Variants in ZNF426 observed in about 807,000 individuals in gnomAD.
ZNF426 encodes the protein CTC-543D15.7.
In ZNF426, 23 loss-of-function variants were observed where a neutral mutation model predicts 24.0. The observed-to-expected ratio is 0.96, with a 90% CI of 0.69 to 1.36. The LOEUF is 1.36. Ranked by LOEUF, ZNF426 falls within the 40% of genes most tolerant of loss-of-function variation. The probability of loss-of-function intolerance (pLI) is 0.00; values close to 1 mark genes in which losing one functional copy is unlikely to be tolerated. For missense variants in ZNF426, 646 were observed against 658.4 expected, an observed-to-expected ratio of 0.98 and a Z score of 0.21; for synonymous variants, 272 against 224.6, an observed-to-expected ratio of 1.21 and a Z score of -1.89.
chr19:9,532,368 C>G, intron 6 of ZNF426, among the ~76,000 whole-genome samples: 1 of 144,684 alleles, frequency 6.9e-6, no homozygotes, highest in Non-Finnish European at 1.5e-5. Flanking sequence ...GCAATCACAT[C>G]TCACCACAGC....
At chr19:9,534,939 A>G (rs2073942507) in intron 4 of ZNF426, among the ~76,000 whole-genome samples, 1 of 151,862 alleles carries the variant, frequency 6.6e-6, no homozygotes, top group South Asian at 2.1e-4. Flanking sequence ...GGTGGCCCCA[A>G]CCCTTGGGGA....
In ZNF426 at chr19:9,533,889, G is replaced by A. The variant is rs1243276170; in HGVS notation, c.195C>T (p.Ser65=). Residue 65 remains serine (S), a synonymous_variant, in exon 5 of 8, where the codon AGC becomes AGT. Coordinates refer to ENST00000253115, the MANE Select transcript of ZNF426 (RefSeq NM_024106.3). ...TCTCCAGCATCACGTCACTGTAGAG[G>A]CTTCTCTGAGTTGAGTCCAGTAAAG... is the stretch of plus-strand genomic sequence containing the variant. ...EWTLLDSTQR[S]LYSDVMLENY... 1 of 1,614,146 alleles carries A rather than the reference G, an allele frequency of 6.2e-7. No individual in the cohort carries two copies. The highest frequency in any genetic ancestry group is 8.5e-7 in the Non-Finnish European group (1 of 1,180,012).
chr19:9,529,952 C>G (rs931269648), intron 7 of ZNF426, among the ~76,000 whole-genome samples: 7 of 151,996 alleles, frequency 4.6e-5, no homozygotes, highest in Admixed American at 3.3e-4. Context: ...GAAACCCTGT[C>G]TCTACTAAAA....
rs1357517782 is a variant in ZNF426 at position 9,538,574 on chromosome 19, C to CA, written c.-212_-212+1insT. 1.3e-5 allele frequency: 2 copies of CA among 152,306 alleles called. No homozygotes were observed. Among genetic ancestry groups the CA allele is most frequent in the Non-Finnish European group, 2.9e-5 (2 of 68,146 alleles). 9.4% of individuals were successfully genotyped at this position (152,306 alleles called of 1,614,324 possible). A position where few individuals can be genotyped will look rare whatever the true frequency, so the allele number is the denominator to read the frequency against. On this transcript the variant is annotated splice_region_variant and 5_prime_UTR_variant. Transcript: ENST00000253115. ...AACCAGTTCATCTCCTCGGAACTCA[C>CA]CCAGGCCAGTGAGGCCTTAACTCTG...
Position 9,528,132 on chromosome 19 carries a change from G to T in ZNF426, c.*248C>A. ...GCCTCCCAAGTAGCTGGGATTACAG[G>T]TGCCCACCACACCTGGCTAAATTTT... is the stretch of plus-strand genomic sequence containing the variant. On this transcript the variant is annotated 3_prime_UTR_variant, in exon 8 of 8. Transcript: ENST00000253115. 1 of 365,502 alleles carries T rather than the reference G, an allele frequency of 2.7e-6. No homozygotes were observed. Among genetic ancestry groups the T allele is most frequent in the Non-Finnish European group, 5.0e-6 (1 of 201,950 alleles). 22.6% of individuals were successfully genotyped at this position (365,502 alleles called of 1,614,324 possible). A position where few individuals can be genotyped will look rare whatever the true frequency, so the allele number is the denominator to read the frequency against.
chr19:9,534,427 G>C (rs903806422), intron 4 of ZNF426, among the ~76,000 whole-genome samples: 1 of 151,846 alleles, frequency 6.6e-6, no homozygotes, highest in Admixed American at 6.6e-5. Context: ...GGTTGGTCTC[G>C]AACTCCTGAC....
At position 9,533,830 on chromosome 19, in the gene ZNF426, C is replaced by T. The variant is rs968807454; in HGVS notation, c.244+10G>A. On this transcript the variant is annotated intron_variant, in intron 5 of 7. Coordinates refer to ENST00000253115, the MANE Select transcript of ZNF426 (RefSeq NM_024106.3). The stretch of plus-strand genomic sequence containing the variant: ...CCATAGAAGGCTGCAAGGGATGAGG[C>T]CAGTCTTACCTACTGTGGCCAGGTT... The T allele has an allele frequency of 1.9e-6, 3 of 1,613,948 alleles. No individual in the cohort carries two copies. The highest frequency in any genetic ancestry group is 2.5e-6 in the Non-Finnish European group (3 of 1,179,906).
At chr19:9,532,807 C>T (rs1568485339) in intron 6 of ZNF426, 38 bp downstream of exon 6, 1 of 1,508,192 alleles carries the variant, frequency 6.6e-7, no homozygotes, top group East Asian at 2.3e-5. Flanking sequence ...ACATACTGAA[C>T]TTCTCATCAA....
Position 9,528,354 on chromosome 19 carries a change from A to G in ZNF426, c.*26T>C. 1 of 1,541,594 alleles carries G rather than the reference A, an allele frequency of 6.5e-7. No individual in the cohort carries two copies. Among genetic ancestry groups the G allele is most frequent in the Non-Finnish European group, 8.7e-7 (1 of 1,145,990 alleles). ...AACTGGAACAAATGAGAGCTTTCCC[A>G]CATTTATTACATGGACAGTTTCTCA... On this transcript the variant is annotated 3_prime_UTR_variant, in exon 8 of 8. Coordinates refer to ENST00000253115, the MANE Select transcript of ZNF426 (RefSeq NM_024106.3).
At chr19:9,532,969 G>A in intron 5 of ZNF426, 44 bp from the exon 6 acceptor site, 3 of 1,492,718 alleles carry the variant, frequency 2.0e-6, no homozygotes, top group East Asian at 2.3e-5. Flanking sequence ...TCATAAAAAA[G>A]ATTACAAACC....
At position 9,528,463 on chromosome 19, in the gene ZNF426, CTGTG is replaced by C. The variant is rs756490008; in HGVS notation, c.1578_1581del (p.His526GlnfsTer35). ...TGCTGACATTTATAGGGTTTCTCTT[CTGTG>C]TGAGTTTTTTCATGAATTCTAAAGG... On this transcript the variant is annotated frameshift_variant, in exon 8 of 8. Coordinates refer to ENST00000253115, the MANE Select transcript of ZNF426 (RefSeq NM_024106.3). LOFTEE classifies it low-confidence loss of function (END_TRUNC). 2 of 1,614,062 alleles carry C rather than the reference CTGTG, an allele frequency of 1.2e-6. No individual in the cohort carries two copies. Among genetic ancestry groups the C allele is most frequent in the East Asian group, 2.2e-5 (1 of 44,874 alleles).
chr19:9,527,082 A>T lies in ZNF426; in HGVS notation c.*1298T>A, dbSNP rs557314258. ...AGGGAGGATTTAGGATTATTTTGAT[A>T]GTATAAGGTACTAACACTACTCAAG... On this transcript the variant is annotated 3_prime_UTR_variant, in exon 8 of 8. Transcript: ENST00000253115. The T allele has an allele frequency of 1.3e-5, 2 of 152,328 alleles. No homozygotes were observed. Among genetic ancestry groups the T allele is most frequent in the South Asian group, 4.1e-4 (2 of 4,824 alleles). The allele number at this position is 152,328 out of a possible 1,614,324, so 9.4% of individuals were successfully genotyped here.
chr19:9,530,115 C>T (rs547581548), intron 7 of ZNF426, among the ~76,000 whole-genome samples: 132 of 151,546 alleles, frequency 8.7e-4, no homozygotes, highest in African/African-American at 1.5e-3. Flanking sequence ...AGCGAGACTC[C>T]GTCTCAAAAT....
At chr19:9,533,038 G>T in intron 5 of ZNF426, 113 bp from the exon 6 acceptor site, 4 of 882,196 alleles carry the variant, frequency 4.5e-6, no homozygotes, top group Non-Finnish European at 7.2e-6. Context: ...TCAAAAGGGC[G>T]AAAAATGCAA....
At chr19:9,529,662 AG>A in intron 7 of ZNF426, 26 bp from the exon 8 acceptor site, 1 of 1,556,392 alleles carries the variant, frequency 6.4e-7, no homozygotes, top group Non-Finnish European at 8.6e-7. Context: ...TGATGATTTA[AG>A]GATTTTTCTC....
intron 4 of ZNF426, 121 bp downstream of exon 4, chr19:9,535,067 G>C (rs1198560319): frequency 2.9e-6 from 2 of 694,966 alleles, no homozygotes; most frequent in Middle Eastern, 4.7e-4. Context: ...AACACAGCGA[G>C]ACTCCCTCTC....
chr19:9,535,231 G>A lies in ZNF426; in HGVS notation c.74C>T (p.Pro25Leu), dbSNP rs776159982. 1 of 1,613,508 alleles carries A rather than the reference G, an allele frequency of 6.2e-7. No homozygotes were observed. The highest frequency in any genetic ancestry group is 1.3e-5 in the African/African-American group (1 of 74,876). Residue 25 changes from proline to leucine, a missense_variant, in exon 4 of 8, where the codon CCA becomes CTA. By Grantham distance (98) the Pro-to-Leu change is moderately conservative (BLOSUM62 -3). Coordinates refer to ENST00000253115, the MANE Select transcript of ZNF426 (RefSeq NM_024106.3). ...DPVCLHEEKT[P>L]AGRIVADCLT... ...GCAGTCAGCCACTATTCTTCCTGCT[G>A]GTGTCTTTTCTTCATGAAGGCAAAC...
chr19:9,533,473 A>C (rs1447316698), intron 5 of ZNF426, among the ~76,000 whole-genome samples: 2 of 152,118 alleles, frequency 1.3e-5, no homozygotes, highest in Non-Finnish European at 2.9e-5. Context: ...ACAACAACAA[A>C]TAAGGAATAA....
chr19:9,536,155 T>C, intron 3 of ZNF426, 53 bp downstream of exon 3: 3 of 1,610,546 alleles, frequency 1.9e-6, no homozygotes, highest in Non-Finnish European at 1.7e-6. Flanking sequence ...AGACCCTATA[T>C]TGTGTAAAGG....
Sources: allele counts gnomAD v4.1 joint callset (sites outside exome capture counted in the v4.1 genomes callset), GRCh38; gene constraint gnomAD v4.1.1; transcripts MANE v1.5; gene names NCBI Gene and HGNC (gene_info 2026-07-23, HGNC 2026-07-21).